ADGB: variants seen among roughly 807,000 people sequenced by gnomAD.
The protein encoded by ADGB is calpain-7-like protein.
ADGB carries 172 observed loss-of-function variants against 210.5 expected under a neutral mutation model. The observed-to-expected ratio is 0.82, with a 90% CI of 0.72 to 0.93. The LOEUF (loss-of-function observed/expected upper bound fraction) is 0.93, where lower values mean the gene tolerates loss of function less well. Among genes scored for constraint, ADGB ranks in the 40% least tolerant of loss-of-function variants. ADGB has a pLI of 0.00. For synonymous variants in ADGB, 658 were observed against 662.7 expected (o/e 0.99, Z 0.11); for missense variants, 2,025 against 1,964.8 (o/e 1.03, Z -0.58).
At chr6:146,740,899 T>C (rs1361972782) in intron 24 of ADGB, among the ~76,000 whole-genome samples, 1 of 152,176 alleles carries the variant, frequency 6.6e-6, no homozygotes, top group East Asian at 1.9e-4. Context: ...GCATATTTGG[T>C]AAAAGTCACA....
intron 1 of ADGB, among the ~76,000 whole-genome samples, chr6:146,631,899 G>A (rs1781070895): frequency 6.6e-6 from 1 of 151,298 alleles, no homozygotes; most frequent in African/African-American, 2.4e-5. Flanking sequence ...TCAACATTTA[G>A]TTGTTTTCAC....
At chr6:146,743,067 A>G (rs1777182240) in intron 25 of ADGB, among the ~76,000 whole-genome samples, 1 of 152,194 alleles carries the variant, frequency 6.6e-6, no homozygotes, top group South Asian at 2.1e-4. Context: ...TCACGAACAA[A>G]TTTGTCCACA....
chr6:146,733,713 C>T (rs1019422013), intron 21 of ADGB, among the ~76,000 whole-genome samples, 180 bp from the exon 22 acceptor site: 5 of 152,000 alleles, frequency 3.3e-5, no homozygotes, highest in Non-Finnish European at 5.9e-5. Flanking sequence ...GTGTGTTTTC[C>T]CTCCTGCAGA....
intron 1 of ADGB, among the ~76,000 whole-genome samples, chr6:146,629,174 G>T (rs1056056073): frequency 1.3e-5 from 2 of 152,110 alleles, no homozygotes; most frequent in Non-Finnish European, 2.9e-5. Flanking sequence ...CAGAATTAAT[G>T]AGACCGGAAT....
intron 9 of ADGB, among the ~76,000 whole-genome samples, chr6:146,680,903 C>T (rs1776148747): frequency 6.6e-6 from 1 of 152,066 alleles, no homozygotes; most frequent in Non-Finnish European, 1.5e-5. Context: ...CATGCTCCTC[C>T]CTTTTTATGC....
intron 13 of ADGB, among the ~76,000 whole-genome samples, chr6:146,710,956 G>A (rs1472596802): frequency 9.9e-5 from 15 of 152,110 alleles, no homozygotes; most frequent in Admixed American, 9.8e-4. Flanking sequence ...CTAGCATATA[G>A]CAAACACCAT....
chr6:146,777,564 C>T (rs1777738395), intron 29 of ADGB, among the ~76,000 whole-genome samples: 1 of 152,064 alleles, frequency 6.6e-6, no homozygotes, highest in South Asian at 2.1e-4. Context: ...CATTTTGAGG[C>T]CCTATCACAG....
At chr6:146,735,355 C>G (rs1777063230) in intron 22 of ADGB, among the ~76,000 whole-genome samples, 1 of 152,168 alleles carries the variant, frequency 6.6e-6, no homozygotes, top group South Asian at 2.1e-4. Flanking sequence ...GAGCCTTTAT[C>G]CCATGAGGAA....
rs368630644 is a variant in ADGB at position 146,722,189 on chromosome 6, A to G, written c.2095+684A>G. 3.4e-4 allele frequency among the ~76,000 whole-genome samples: 51 copies of G among 152,028 alleles called. No homozygotes were observed. The East Asian group carries it at 8.7e-3, about 26-fold the overall frequency. On this transcript the variant is annotated intron_variant, in intron 17 of 35. Coordinates refer to ENST00000397944, the MANE Select transcript of ADGB (RefSeq NM_024694.4). The stretch of plus-strand genomic sequence containing the variant: ...TATCCCACCTTGGTCCCCTACTTTC[A>G]TGGTTACCTTGTAGACTTTAAGTTT...
chr6:146,716,624 A>AG (rs1776739596), intron 14 of ADGB, among the ~76,000 whole-genome samples: 1 of 144,152 alleles, frequency 6.9e-6, no homozygotes, highest in African/African-American at 2.5e-5. Flanking sequence ...AAAAAAAAAA[A>AG]AGAATCTGTG....
Position 146,804,257 on chromosome 6 carries a change from C to T in ADGB, c.4818+2246C>T, listed in dbSNP as rs145706311. 9.6e-4 allele frequency among the ~76,000 whole-genome samples: 146 copies of T among 152,062 alleles called. 4 individuals carry two copies. The East Asian group carries it at 0.025, about 26-fold the overall frequency. ...TAATGAGAATCTTTTTTTCTCCCTG[C>T]AACACACACGCACACACTCCTACAC... On this transcript the variant is annotated intron_variant, in intron 35 of 35. Coordinates refer to ENST00000397944, the MANE Select transcript of ADGB (RefSeq NM_024694.4).
At chr6:146,646,880 G>A (rs1242986071) in intron 3 of ADGB, among the ~76,000 whole-genome samples, 1 of 151,952 alleles carries the variant, frequency 6.6e-6, no homozygotes, top group Non-Finnish European at 1.5e-5. Flanking sequence ...TTTAAGGCCA[G>A]GAGTTTGAGA....
chr6:146,781,894 G>C (rs923316544), intron 29 of ADGB, 126 bp from the exon 30 acceptor site: 9 of 645,090 alleles, frequency 1.4e-5, no homozygotes, highest in Non-Finnish European at 2.1e-5. Context: ...ATAAAAATCT[G>C]TGTGATTGAA....
intron 2 of ADGB, among the ~76,000 whole-genome samples, chr6:146,640,266 A>G (rs1352595871): frequency 1.3e-5 from 2 of 151,928 alleles, no homozygotes; most frequent in Non-Finnish European, 2.9e-5. Flanking sequence ...AATCAGTAAT[A>G]AAGGGCCTAC....
At chr6:146,790,901 G>A (rs918140351) in intron 33 of ADGB, among the ~76,000 whole-genome samples, 4 of 152,146 alleles carry the variant, frequency 2.6e-5, no homozygotes, top group Non-Finnish European at 5.9e-5. Context: ...GTATGAGGTA[G>A]TATCTCATTG....
chr6:146,752,133 C>T (rs966607846), intron 26 of ADGB, among the ~76,000 whole-genome samples: 1 of 152,152 alleles, frequency 6.6e-6, no homozygotes, highest in East Asian at 1.9e-4. Flanking sequence ...GTTCTGCAGG[C>T]TGTACAGGAA....
chr6:146,774,559 G>GA (rs928116489), intron 29 of ADGB, among the ~76,000 whole-genome samples: 66 of 152,124 alleles, frequency 4.3e-4, no homozygotes, highest in African/African-American at 1.5e-3. Context: ...TTTTCTGTTT[G>GA]AAAGAATATT....
intron 9 of ADGB, among the ~76,000 whole-genome samples, chr6:146,683,978 A>G (rs921756718): frequency 6.6e-6 from 1 of 152,116 alleles, no homozygotes; most frequent in Non-Finnish European, 1.5e-5. Flanking sequence ...TTAAAACAAG[A>G]TTTAGAAAAG....
chr6:146,717,511 C>A, intron 15 of ADGB, 25 bp from the exon 16 acceptor site: 1 of 1,250,666 alleles, frequency 8.0e-7, no homozygotes, highest in Non-Finnish European at 1.1e-6. Context: ...ATGACAATAA[C>A]CTGTTAAAAA....
Sources: allele counts gnomAD v4.1 joint callset (sites outside exome capture counted in the v4.1 genomes callset), GRCh38; gene constraint gnomAD v4.1.1; transcripts MANE v1.5; gene names NCBI Gene and HGNC (gene_info 2026-07-23, HGNC 2026-07-21).